Variants in MLLT3 observed in about 807,000 individuals in gnomAD.
MLLT3 encodes the protein protein AF-9.
In MLLT3, 4 loss-of-function variants were observed where a neutral mutation model predicts 53.2. The observed-to-expected ratio is 0.08, with a 90% confidence interval of 0.04 to 0.17. The LOEUF is 0.17. MLLT3 is among the 10% of genes least tolerant of loss of function. MLLT3 has a pLI of 1.00. For missense variants in MLLT3, 569 were observed against 684.0 expected (o/e 0.83, Z 1.87); for synonymous variants, 283 against 230.6 (o/e 1.23, Z -2.06).
intron 2 of MLLT3, among the ~76,000 whole-genome samples, chr9:20,499,893 T>C (rs1057285529): frequency 7.1e-6 from 1 of 141,664 alleles, no homozygotes; most frequent in African/African-American, 2.8e-5. Flanking sequence ...AGCAAGAACC[T>C]GTCTCTTAAA....
intron 3 of MLLT3, among the ~76,000 whole-genome samples, chr9:20,449,697 C>G (rs1302164037): frequency 6.6e-6 from 1 of 152,118 alleles, no homozygotes; most frequent in African/African-American, 2.4e-5. Context: ...ACCAAACTTC[C>G]CAAATCATAA....
At chr9:20,612,688 T>A (rs1251638816) in intron 2 of MLLT3, among the ~76,000 whole-genome samples, 1 of 151,616 alleles carries the variant, frequency 6.6e-6, no homozygotes, top group Non-Finnish European at 1.5e-5. Flanking sequence ...AAATAGTCAA[T>A]ATATATATAT....
intron 2 of MLLT3, among the ~76,000 whole-genome samples, chr9:20,613,738 C>A (rs561994429): frequency 6.6e-6 from 1 of 152,238 alleles, no homozygotes; most frequent in South Asian, 2.1e-4. Flanking sequence ...TTTTTCCACA[C>A]AGATTGGCAA....
intron 2 of MLLT3, among the ~76,000 whole-genome samples, chr9:20,528,540 C>T (rs1195683249): frequency 3.3e-5 from 5 of 152,226 alleles, no homozygotes; most frequent in Non-Finnish European, 5.9e-5. Flanking sequence ...ATCAGAGCTG[C>T]GCTCCCCACA....
chr9:20,449,589 A>G (rs1586957410), intron 3 of MLLT3, among the ~76,000 whole-genome samples: 1 of 152,172 alleles, frequency 6.6e-6, no homozygotes, highest in South Asian at 2.1e-4. Flanking sequence ...ATGAAACAAA[A>G]TAATTTGAAT....
chr9:20,568,843 T>C lies in MLLT3; in HGVS notation c.193+51811A>G, dbSNP rs116712126. 5.0e-3 allele frequency among the ~76,000 whole-genome samples: 768 copies of C among 152,292 alleles called. 5 individuals are homozygous for C. The highest frequency in any genetic ancestry group is 0.017 in the African/African-American group (716 of 41,562). ...TCACTACAGTCCTGAGAGGAAGTTA[T>C]TACCTTCATTTCAGAAATAAAGACA... On this transcript the variant is annotated intron_variant, in intron 2 of 10. Coordinates refer to ENST00000380338, the MANE Select transcript of MLLT3 (RefSeq NM_004529.4).
chr9:20,575,205 T>C (rs986443365), intron 2 of MLLT3, among the ~76,000 whole-genome samples: 2 of 152,222 alleles, frequency 1.3e-5, no homozygotes, highest in Non-Finnish European at 2.9e-5. Flanking sequence ...CTATTCGTGT[T>C]AATGTTCTGA....
intron 4 of MLLT3, among the ~76,000 whole-genome samples, chr9:20,439,975 G>A (rs970345447): frequency 6.6e-6 from 1 of 152,022 alleles, no homozygotes; most frequent in African/African-American, 2.4e-5. Context: ...TTATTATTAT[G>A]TCAAATCCTT....
chr9:20,391,312 A>G lies in MLLT3; in HGVS notation c.1125+22409T>C, dbSNP rs184786133. On this transcript the variant is annotated intron_variant, in intron 5 of 10. Transcript: ENST00000380338. ...TTCTAGGACAGGGAAAAGCAGAGGG[A>G]AAAAGAAGAGAAGGAAATGGAACAG... Among the ~76,000 whole-genome samples, 12 of 152,356 alleles carry G rather than the reference A, an allele frequency of 7.9e-5. No homozygotes were observed. In the East Asian group the frequency reaches 1.5e-3, roughly 20 times the overall value.
chr9:20,522,891 A>G (rs1818100956), intron 2 of MLLT3, among the ~76,000 whole-genome samples: 1 of 152,022 alleles, frequency 6.6e-6, no homozygotes, highest in Non-Finnish European at 1.5e-5. Flanking sequence ...AGCTAAAGGA[A>G]GTCGAGGCTT....
At chr9:20,456,642 TA>T (rs749905328) in intron 3 of MLLT3, 61 bp downstream of exon 3, 240 of 1,165,670 alleles carry the variant, frequency 2.1e-4, no homozygotes, top group Non-Finnish European at 2.7e-4. Flanking sequence ...AAAATTATTT[TA>T]AACATCATTT....
rs770294624 is a variant in MLLT3, at chr9:20,467,067, T to G, written c.194-10281A>C. On this transcript the variant is annotated intron_variant, in intron 2 of 10. Transcript: ENST00000380338. The stretch of plus-strand genomic sequence containing the variant: ...ACTGAATTAGGTATTTCTTAACAGT[T>G]CTTTTCAAACTAGAGACACTATGAA... 3.3e-4 allele frequency among the ~76,000 whole-genome samples: 51 copies of G among 152,262 alleles called. 1 individual carries two copies. Among genetic ancestry groups the G allele is most frequent in the Non-Finnish European group, 6.3e-4 (43 of 68,016 alleles).
intron 7 of MLLT3, among the ~76,000 whole-genome samples, chr9:20,362,226 C>T (rs952910192): frequency 2.6e-5 from 4 of 152,202 alleles, no homozygotes; most frequent in Non-Finnish European, 5.9e-5. Context: ...CACAAACCTA[C>T]ATGATGACCA....
At chr9:20,521,553 CTG>C (rs1236445182) in intron 2 of MLLT3, among the ~76,000 whole-genome samples, 1 of 152,126 alleles carries the variant, frequency 6.6e-6, no homozygotes, top group Non-Finnish European at 1.5e-5. Context: ...AATCATTTAA[CTG>C]TAACTCAAAC....
chr9:20,511,182 C>T (rs528582971), intron 2 of MLLT3, among the ~76,000 whole-genome samples: 34 of 151,918 alleles, frequency 2.2e-4, no homozygotes, highest in Admixed American at 2.1e-3. Context: ...TGTGTGTGTG[C>T]ATGTTCATAT....
intron 5 of MLLT3, among the ~76,000 whole-genome samples, chr9:20,392,524 C>G (rs1822213885): frequency 6.6e-6 from 1 of 152,142 alleles, no homozygotes; most frequent in South Asian, 2.1e-4. Flanking sequence ...CTTTACTAAT[C>G]AAAATAATTA....
At chr9:20,537,553 G>A (rs779627647) in intron 2 of MLLT3, among the ~76,000 whole-genome samples, 109 of 152,200 alleles carry the variant, frequency 7.2e-4, no homozygotes, top group Non-Finnish European at 1.2e-3. Context: ...AAAAAGAAGC[G>A]GGGGTGAGGG....
chr9:20,539,664 C>T (rs567451065), intron 2 of MLLT3, among the ~76,000 whole-genome samples: 7 of 152,298 alleles, frequency 4.6e-5, no homozygotes, highest in South Asian at 2.1e-4. Context: ...CCCTGACACA[C>T]GGGGATTACA....
intron 2 of MLLT3, among the ~76,000 whole-genome samples, chr9:20,507,677 T>C (rs1157606684): frequency 1.5e-5 from 2 of 137,006 alleles, no homozygotes; most frequent in African/African-American, 2.8e-5. Context: ...TCCTCAAAGA[T>C]AGAGCAGCAA....
Sources: gnomAD v4.1 joint callset for allele counts (sites outside exome capture counted in the v4.1 genomes callset) on GRCh38, gnomAD v4.1.1 for gene constraint, MANE v1.5 for transcripts, NCBI Gene and HGNC (gene_info 2026-07-23, HGNC 2026-07-21) for gene names.